Variants in LRP1B observed in about 807,000 individuals in gnomAD.
LRP1B encodes LDL receptor related protein 1B.
A neutral mutation model predicts 556.6 loss-of-function variants in LRP1B; 217 were observed. That is an observed-to-expected ratio of 0.39 (90% CI 0.35 to 0.44). The LOEUF is 0.44. Among genes scored for constraint, LRP1B ranks in the 20% least tolerant of loss-of-function variants. The pLI is 1.00. For synonymous variants in LRP1B, 2,047 were observed against 1,865.8 expected (o/e 1.10, Z -2.50); for missense variants, 5,053 against 5,620.8 (o/e 0.90, Z 3.23).
At chr2:140,813,123 T>G (rs1241509391) in intron 32 of LRP1B, among the ~76,000 whole-genome samples, 2 of 152,124 alleles carry the variant, frequency 1.3e-5, no homozygotes, top group East Asian at 3.9e-4. Flanking sequence ...CCTAGCACCT[T>G]TTTTTCCCTA....
At chr2:140,935,655 A>G (rs1232897973) in intron 20 of LRP1B, among the ~76,000 whole-genome samples, 1 of 152,132 alleles carries the variant, frequency 6.6e-6, no homozygotes, top group Non-Finnish European at 1.5e-5. Context: ...TATACATCCA[A>G]GAAGCTCAAC....
intron 1 of LRP1B, among the ~76,000 whole-genome samples, chr2:141,890,378 G>GTATC (rs1699253260): frequency 8.0e-6 from 1 of 125,446 alleles, no homozygotes; most frequent in Non-Finnish European, 1.6e-5. Flanking sequence ...TATATAGTGT[G>GTATC]TATACATATA....
chr2:141,985,999 A>G (rs115445817), intron 1 of LRP1B, among the ~76,000 whole-genome samples: 1 of 152,106 alleles, frequency 6.6e-6, no homozygotes, highest in African/African-American at 2.4e-5. Context: ...AGAATAAATG[A>G]TCACATATTA....
chr2:141,421,486 G>A (rs1256405624), intron 3 of LRP1B, among the ~76,000 whole-genome samples: 2 of 142,244 alleles, frequency 1.4e-5, no homozygotes, highest in Non-Finnish European at 3.0e-5. Context: ...CCGAGATCCC[G>A]CCACTGCACT....
At chr2:141,168,560 A>G (rs1680364055) in intron 7 of LRP1B, among the ~76,000 whole-genome samples, 1 of 152,142 alleles carries the variant, frequency 6.6e-6, no homozygotes, top group Non-Finnish European at 1.5e-5. Context: ...CTGTCAAAAA[A>G]GAAAAGACCA....
At chr2:140,927,195 C>A (rs1694910842) in intron 20 of LRP1B, among the ~76,000 whole-genome samples, 1 of 152,026 alleles carries the variant, frequency 6.6e-6, no homozygotes, top group South Asian at 2.1e-4. Flanking sequence ...ATCCCAGCTA[C>A]TTGGGAGGCT....
chr2:141,280,760 T>G (rs1027977061), intron 3 of LRP1B, among the ~76,000 whole-genome samples: 30 of 151,908 alleles, frequency 2.0e-4, no homozygotes, highest in Admixed American at 1.3e-3. Flanking sequence ...AAAGTAAATT[T>G]TATTAAGAAA....
intron 3 of LRP1B, among the ~76,000 whole-genome samples, chr2:141,315,847 G>A (rs1020765316): frequency 8.9e-6 from 1 of 112,298 alleles, no homozygotes; most frequent in Admixed American, 1.0e-4. Context: ...AAATACCTCT[G>A]TAAAATGCAG....
At chr2:142,092,586 G>GCGA (rs955662069) in intron 1 of LRP1B, among the ~76,000 whole-genome samples, 2 of 151,924 alleles carry the variant, frequency 1.3e-5, no homozygotes, top group African/African-American at 4.8e-5. Flanking sequence ...TAAAAGTATT[G>GCGA]CGATCTGATC....
At chr2:141,362,660 A>C (rs1163714959) in intron 3 of LRP1B, among the ~76,000 whole-genome samples, 1 of 152,222 alleles carries the variant, frequency 6.6e-6, no homozygotes, top group African/African-American at 2.4e-5. Context: ...CAAAATTGCA[A>C]ATTCTTCCTT....
chr2:141,728,340 C>A (rs1030203395), intron 2 of LRP1B, among the ~76,000 whole-genome samples: 2 of 152,092 alleles, frequency 1.3e-5, no homozygotes, highest in Admixed American at 6.6e-5. Flanking sequence ...CCCAGAGCAG[C>A]CGTGCCTCCC....
intron 2 of LRP1B, among the ~76,000 whole-genome samples, chr2:141,638,191 A>T (rs560699386): frequency 6.6e-6 from 1 of 151,918 alleles, no homozygotes; most frequent in Non-Finnish European, 1.5e-5. Context: ...TGTCTCAAAG[A>T]AAAAAAACTA....
intron 3 of LRP1B, among the ~76,000 whole-genome samples, chr2:141,400,865 A>G (rs960953842): frequency 5.3e-5 from 8 of 152,166 alleles, no homozygotes; most frequent in Non-Finnish European, 8.8e-5. Context: ...CCTGGCATCT[A>G]TGCCTTCCAT....
At chr2:140,623,946 T>TTTTA (rs1683551766) in intron 41 of LRP1B, among the ~76,000 whole-genome samples, 1 of 23,336 alleles carries the variant, frequency 4.3e-5, no homozygotes, top group Non-Finnish European at 9.2e-5. Flanking sequence ...ATATATTATA[T>TTTTA]TTTATTTATG....
At position 140,371,209 on chromosome 2, in the gene LRP1B, T is replaced by C. The variant is rs1388556308; in HGVS notation, c.10845A>G (p.Gly3615=). The change falls in exon 70 of 91, where the codon GGA becomes GGG. Residue 3615 remains glycine, a synonymous_variant. Transcript: ENST00000389484. ...CTGAACCATCAGCACAATCATATTC[T>C]CCATTACATTTCAAAGATGCTGAAA... ...GCISASLKCN[G]EYDCADGSDE... 6.3e-7 allele frequency: 1 copy of C among 1,595,986 alleles called. No homozygotes were observed. Among genetic ancestry groups the C allele is most frequent in the Admixed American group, 1.7e-5 (1 of 57,718 alleles).
intron 3 of LRP1B, among the ~76,000 whole-genome samples, chr2:141,403,045 C>T (rs936198970): frequency 3.9e-5 from 6 of 151,904 alleles, no homozygotes; most frequent in Non-Finnish European, 7.4e-5. Context: ...GTCTTTATTT[C>T]CTGAAATTTT....
At chr2:141,906,709 T>C (rs1156827813) in intron 1 of LRP1B, among the ~76,000 whole-genome samples, 3 of 152,042 alleles carry the variant, frequency 2.0e-5, no homozygotes, top group African/African-American at 7.2e-5. Context: ...ACAGTTGATG[T>C]AAAAGCTTCA....
chr2:141,838,712 T>C (rs1297168865), intron 1 of LRP1B, among the ~76,000 whole-genome samples: 3 of 152,162 alleles, frequency 2.0e-5, no homozygotes, highest in East Asian at 3.9e-4. Flanking sequence ...TTGCTCTTAG[T>C]AGAGAAAGTA....
intron 6 of LRP1B, among the ~76,000 whole-genome samples, chr2:141,211,557 C>T (rs1294904901): frequency 2.0e-5 from 3 of 152,014 alleles, no homozygotes; most frequent in Non-Finnish European, 4.4e-5. Flanking sequence ...GCAGAGGTTG[C>T]AGTGAGCCGA....
Sources: gnomAD v4.1 joint callset for allele counts (sites outside exome capture counted in the v4.1 genomes callset) on GRCh38, gnomAD v4.1.1 for gene constraint, MANE v1.5 for transcripts, NCBI Gene and HGNC (gene_info 2026-07-23, HGNC 2026-07-21) for gene names.